Variants in ADAM12 observed in about 807,000 individuals in gnomAD.
The protein encoded by ADAM12 is disintegrin and metalloproteinase domain-containing protein 12.
ADAM12 carries 70 observed loss-of-function variants against 106.4 expected under a neutral mutation model. The ratio of observed to expected loss-of-function variants is 0.66; its 90% CI spans 0.54 to 0.80. ADAM12 has a LOEUF of 0.80. ADAM12 is among the 30% of genes least tolerant of loss of function. The probability of loss-of-function intolerance (pLI) is 0.00; values close to 1 mark genes in which losing one functional copy is unlikely to be tolerated. For missense variants in ADAM12, 1,010 were observed against 1,171.9 expected (o/e 0.86, Z 2.02); for synonymous variants, 420 against 433.5 (o/e 0.97, Z 0.39).
At chr10:126,311,510 A>C (rs1961096635) in intron 2 of ADAM12, among the ~76,000 whole-genome samples, 1 of 152,094 alleles carries the variant, frequency 6.6e-6, no homozygotes, top group East Asian at 1.9e-4. Context: ...TTTTGTTCTA[A>C]TAAGGTGACT....
intron 8 of ADAM12, among the ~76,000 whole-genome samples, chr10:126,105,986 C>T (rs1194313581): frequency 6.6e-6 from 1 of 152,162 alleles, no homozygotes; most frequent in African/African-American, 2.4e-5. Flanking sequence ...TCCATGTAGC[C>T]ATAGCCTCTC....
At chr10:126,268,159 C>T (rs1959137452) in intron 3 of ADAM12, among the ~76,000 whole-genome samples, 1 of 152,190 alleles carries the variant, frequency 6.6e-6, no homozygotes, top group Non-Finnish European at 1.5e-5. Context: ...ATTCTACTTT[C>T]TGTTTCTATG....
chr10:126,245,886 G>A (rs529019864), intron 3 of ADAM12, among the ~76,000 whole-genome samples: 2 of 152,290 alleles, frequency 1.3e-5, no homozygotes, highest in East Asian at 1.9e-4. Context: ...GGATGAAGAA[G>A]TGAGAGGGTA....
chr10:126,335,466 A>G (rs1302756057), intron 1 of ADAM12, among the ~76,000 whole-genome samples: 3 of 152,138 alleles, frequency 2.0e-5, no homozygotes, highest in Non-Finnish European at 2.9e-5. Flanking sequence ...TGATGAAGCA[A>G]TTTTTTTAGC....
chr10:126,098,400 A>G lies in ADAM12; in HGVS notation c.996+16T>C, dbSNP rs2290842. The G allele has an allele frequency of 0.73, 1,172,010 of 1,607,766 alleles. 431,359 individuals carry two copies. Among genetic ancestry groups the G allele is most frequent in the Non-Finnish European group, 0.75 (881,129 of 1,174,760 alleles). ...TCATTATCAAGGGGAACCAGCTCCC[A>G]ATGCCCTTGGCTTACCATGACAATT... On this transcript the variant is annotated intron_variant, in intron 10 of 22. Transcript: ENST00000448723.
chr10:126,322,756 G>A (rs977326065), intron 2 of ADAM12, among the ~76,000 whole-genome samples: 1 of 152,236 alleles, frequency 6.6e-6, no homozygotes, highest in Non-Finnish European at 1.5e-5. Context: ...GCAAGGCAGA[G>A]GGAGTCCGAA....
At chr10:126,312,834 CCT>C (rs1269253813) in intron 2 of ADAM12, among the ~76,000 whole-genome samples, 2 of 152,134 alleles carry the variant, frequency 1.3e-5, no homozygotes, top group Non-Finnish European at 2.9e-5. Context: ...GGAACGATGC[CCT>C]CTCATCGCAG....
intron 3 of ADAM12, among the ~76,000 whole-genome samples, chr10:126,171,537 A>C (rs1957120462): frequency 6.6e-6 from 1 of 152,230 alleles, no homozygotes; most frequent in Non-Finnish European, 1.5e-5. Context: ...GCAACAAGCA[A>C]TCTTACAGCA....
At chr10:126,132,017 C>T (rs1364611310) in intron 5 of ADAM12, among the ~76,000 whole-genome samples, 1 of 151,028 alleles carries the variant, frequency 6.6e-6, no homozygotes, top group African/African-American at 2.4e-5. Context: ...TACTCTGTCA[C>T]CAGGTTGGAG....
intron 11 of ADAM12, among the ~76,000 whole-genome samples, chr10:126,093,769 C>T (rs937569182): frequency 1.2e-4 from 18 of 152,238 alleles, no homozygotes; most frequent in African/African-American, 4.3e-4. Context: ...AAAGGTCAGC[C>T]CTCTTCCTTG....
intron 5 of ADAM12, among the ~76,000 whole-genome samples, chr10:126,129,737 G>A (rs1255247626): frequency 6.6e-6 from 1 of 152,182 alleles, no homozygotes; most frequent in African/African-American, 2.4e-5. Context: ...TCGACTTGGA[G>A]TCATTTCAAA....
chr10:126,300,327 C>T (rs911009800), intron 2 of ADAM12, among the ~76,000 whole-genome samples: 1 of 152,140 alleles, frequency 6.6e-6, no homozygotes, highest in African/African-American at 2.4e-5. Context: ...GCACTGGTCC[C>T]CCACTGATAA....
chr10:126,142,367 T>G (rs147513910), intron 4 of ADAM12, among the ~76,000 whole-genome samples: 2,015 of 152,340 alleles, frequency 0.013, 45 homozygotes, highest in African/African-American at 0.042. Context: ...CTAAAAGTAT[T>G]CCTTATGGGA....
At chr10:126,026,138 G>A (rs1953868439) in intron 21 of ADAM12, among the ~76,000 whole-genome samples, 1 of 152,184 alleles carries the variant, frequency 6.6e-6, no homozygotes, top group East Asian at 1.9e-4. Context: ...AAAACAAAGG[G>A]ATGGAGGAAA....
intron 3 of ADAM12, among the ~76,000 whole-genome samples, chr10:126,181,918 T>A (rs1468108592): frequency 1.3e-5 from 2 of 152,202 alleles, no homozygotes; most frequent in Non-Finnish European, 2.9e-5. Context: ...CTGGGGTCTT[T>A]AATTGCATGG....
chr10:126,133,084 C>T (rs1188254288), intron 5 of ADAM12, among the ~76,000 whole-genome samples: 1 of 152,152 alleles, frequency 6.6e-6, no homozygotes, highest in African/African-American at 2.4e-5. Flanking sequence ...ATTCCTCTTA[C>T]CTCCTTCCCC....
chr10:126,118,032 C>T lies in ADAM12; in HGVS notation c.603+6G>A. On this transcript the variant is annotated splice_donor_region_variant and intron_variant, in intron 6 of 22. Coordinates refer to ENST00000448723, the MANE Select transcript of ADAM12 (RefSeq NM_001288973.2). ...CCAGAAACACAAAATCAGGTATCCC[C>T]CTTACCCTTCTTGCCCATGTCTGAG... 1 of 1,613,960 alleles carries T rather than the reference C, an allele frequency of 6.2e-7. No individual in the cohort carries two copies. The highest frequency in any genetic ancestry group is 2.2e-5 in the East Asian group (1 of 44,866).
At chr10:126,207,658 C>T (rs1679287454) in intron 3 of ADAM12, among the ~76,000 whole-genome samples, 1 of 152,136 alleles carries the variant, frequency 6.6e-6, no homozygotes, top group Admixed American at 6.5e-5. Context: ...GATATAATTG[C>T]TTTTGTGGCT....
rs1343426166 is a variant in ADAM12, at chr10:126,318,240, ACACT to A, written c.186+12168_186+12171del. Among the ~76,000 whole-genome samples, 4 of 152,144 alleles carry A rather than the reference ACACT, an allele frequency of 2.6e-5. No individual in the cohort carries two copies. In the East Asian group the frequency reaches 5.8e-4, roughly 22 times the overall value. On this transcript the variant is annotated intron_variant, in intron 2 of 22. Transcript: ENST00000448723. ...AACAGTCATACCATCTCTCTCACAC[ACACT>A]CTCACACATTCTTATACATTCCCAT... is the stretch of plus-strand genomic sequence containing the variant.
Sources: allele counts gnomAD v4.1 joint callset (sites outside exome capture counted in the v4.1 genomes callset), GRCh38; gene constraint gnomAD v4.1.1; transcripts MANE v1.5; gene names NCBI Gene and HGNC (gene_info 2026-07-23, HGNC 2026-07-21).